FAP: variants seen among roughly 807,000 people sequenced by gnomAD.
FAP encodes prolyl endopeptidase FAP.
Under a neutral mutation model 126.5 loss-of-function variants are expected in FAP, and 110 were observed. The observed-to-expected ratio is 0.87, with a 90% CI of 0.74 to 1.02. The LOEUF (loss-of-function observed/expected upper bound fraction) is 1.02. Among genes scored for constraint, FAP ranks in the 50% least tolerant of loss-of-function variants. The probability of loss-of-function intolerance (pLI) is 0.00; values close to 1 mark genes in which losing one functional copy is unlikely to be tolerated. For missense variants in FAP, 919 were observed against 909.2 expected, an observed-to-expected ratio of 1.01 and a Z score of -0.14; for synonymous variants, 334 against 297.3, an observed-to-expected ratio of 1.12 and a Z score of -1.27.
chr2:162,228,491 T>G (rs981110197), intron 2 of FAP, among the ~76,000 whole-genome samples: 2 of 152,220 alleles, frequency 1.3e-5, no homozygotes, highest in African/African-American at 4.8e-5. Context: ...TCCACACTTT[T>G]GATTAGGACC....
intron 2 of FAP, 92 bp from the exon 3 acceptor site, chr2:162,226,713 T>C: frequency 2.9e-6 from 2 of 682,018 alleles, no homozygotes; most frequent in Non-Finnish European, 5.1e-6. Context: ...CTTTCTTATA[T>C]AGTAATAAGA....
At position 162,194,685 on chromosome 2, in the gene FAP, A is replaced by C. The variant is rs751732576; in HGVS notation, c.1450+16T>G. On this transcript the variant is annotated intron_variant, in intron 17 of 25. Transcript: ENST00000188790. ...GATTACTTGAGACAAGATAGATAAC[A>C]TGCAAGAGAGAGTACCTTGATCAGT... is the stretch of plus-strand genomic sequence containing the variant. The C allele has an allele frequency of 4.3e-6, 7 of 1,611,840 alleles. No individual in the cohort carries two copies. Among genetic ancestry groups the C allele is most frequent in the Non-Finnish European group, 5.9e-6 (7 of 1,178,192 alleles).
At chr2:162,224,581 A>G (rs777011240) in intron 4 of FAP, 41 bp from the exon 5 acceptor site, 7 of 1,203,088 alleles carry the variant, frequency 5.8e-6, no homozygotes, top group Non-Finnish European at 8.4e-6. Flanking sequence ...AGAAAAGATA[A>G]CAAAGAACCA....
intron 11 of FAP, among the ~76,000 whole-genome samples, chr2:162,212,880 C>A (rs988916656): frequency 6.6e-6 from 1 of 152,092 alleles, no homozygotes; most frequent in Admixed American, 6.5e-5. Flanking sequence ...AGTGGTTTTT[C>A]TGACTCATTA....
intron 2 of FAP, among the ~76,000 whole-genome samples, chr2:162,227,507 C>T (rs904209746): frequency 6.6e-6 from 1 of 152,174 alleles, no homozygotes; most frequent in Non-Finnish European, 1.5e-5. Context: ...TTCTCCATCT[C>T]TCCCACCTTA....
intron 2 of FAP, among the ~76,000 whole-genome samples, chr2:162,239,056 T>A (rs569903108): frequency 6.6e-5 from 10 of 152,320 alleles, no homozygotes; most frequent in African/African-American, 2.4e-4. Context: ...ATATACATAT[T>A]CTCTTTGTTG....
chr2:162,176,606 G>C (rs931986416), intron 21 of FAP: 1 of 152,094 alleles, frequency 6.6e-6, no homozygotes, highest in African/African-American at 2.4e-5. Flanking sequence ...AAATGGGAAG[G>C]CTTTCCTTCC....
At chr2:162,225,098 G>T (rs1486888517) in intron 4 of FAP, among the ~76,000 whole-genome samples, 1 of 152,112 alleles carries the variant, frequency 6.6e-6, no homozygotes, top group Non-Finnish European at 1.5e-5. Flanking sequence ...TTAACCAAAA[G>T]AGGCATTATT....
Position 162,203,044 on chromosome 2 carries a change from A to T in FAP, c.1149T>A (p.Thr383=), listed in dbSNP as rs1688556660. 1 of 1,610,358 alleles carries T rather than the reference A, an allele frequency of 6.2e-7. No homozygotes were observed. Among genetic ancestry groups the T allele is most frequent in the Non-Finnish European group, 8.5e-7 (1 of 1,176,770 alleles). Residue 383 remains threonine, a synonymous_variant, in exon 13 of 26, where the codon ACT becomes ACA. Transcript: ENST00000188790. ...GYKHIHYIKD[T]VENAIQITSG... ...ATAAATCTTGGAAGGAACGTACCAC[A>T]GTGTCTTTGATATAGTGAATATGTT...
chr2:162,175,100 T>C (rs1429805467), intron 21 of FAP, 134 bp from the exon 22 acceptor site: 1 of 592,030 alleles, frequency 1.7e-6, no homozygotes, highest in Non-Finnish European at 3.0e-6. Context: ...TACATGTCTA[T>C]CTTGCATCCT....
At chr2:162,183,289 T>C in intron 21 of FAP, 125 bp downstream of exon 21, 1 of 795,764 alleles carries the variant, frequency 1.3e-6, no homozygotes, top group Non-Finnish European at 2.1e-6. Flanking sequence ...AAACTGACTG[T>C]TTCCATTGAC....
chr2:162,209,004 T>C lies in FAP; in HGVS notation c.1047+948A>G, dbSNP rs115785381. 7.1e-3 allele frequency among the ~76,000 whole-genome samples: 1,077 copies of C among 152,204 alleles called. 12 individuals are homozygous for C. Among genetic ancestry groups the C allele is most frequent in the African/African-American group, 0.025 (1,029 of 41,574 alleles). On this transcript the variant is annotated intron_variant, in intron 12 of 25. Transcript: ENST00000188790. The stretch of plus-strand genomic sequence containing the variant: ...AGCATGTAAGCCAAAATCAACTGGA[T>C]CCAGAAAAGTGTACAATGAAGAGTT...
At chr2:162,234,796 G>A (rs1690038769) in intron 2 of FAP, among the ~76,000 whole-genome samples, 1 of 152,130 alleles carries the variant, frequency 6.6e-6, no homozygotes, top group South Asian at 2.1e-4. Context: ...TGCACCGTAG[G>A]AGCCTTTCTC....
intron 2 of FAP, among the ~76,000 whole-genome samples, chr2:162,241,993 G>GTTATT (rs757288795): frequency 1.4e-4 from 21 of 152,242 alleles, no homozygotes; most frequent in South Asian, 8.3e-4. Flanking sequence ...TTTAGCTGAA[G>GTTATT]TTATTTTATT....
intron 12 of FAP, among the ~76,000 whole-genome samples, chr2:162,208,329 T>C (rs1688790629): frequency 6.6e-6 from 1 of 152,038 alleles, no homozygotes; most frequent in African/African-American, 2.4e-5. Context: ...GGAATGCAAG[T>C]TTAGTGCAAT....
At chr2:162,218,959 C>T in intron 8 of FAP, 104 bp downstream of exon 8, 1 of 914,592 alleles carries the variant, frequency 1.1e-6, no homozygotes, top group Non-Finnish European at 1.5e-6. Flanking sequence ...CAATGCTACC[C>T]TTCATGGAAA....
intron 2 of FAP, among the ~76,000 whole-genome samples, chr2:162,239,727 C>T (rs377664222): frequency 2.0e-5 from 3 of 152,154 alleles, no homozygotes; most frequent in African/African-American, 7.2e-5. Flanking sequence ...AAAAAAATAA[C>T]TAACATTTGT....
intron 2 of FAP, among the ~76,000 whole-genome samples, chr2:162,241,926 C>T (rs932750269): frequency 2.0e-5 from 3 of 152,064 alleles, no homozygotes; most frequent in African/African-American, 7.2e-5. Flanking sequence ...TTTTCGAAAA[C>T]ATTTTTCTAT....
At chr2:162,194,932 A>T (rs1430913690) in intron 16 of FAP, 184 bp from the exon 17 acceptor site, 5 of 596,450 alleles carry the variant, frequency 8.4e-6, no homozygotes, top group Non-Finnish European at 1.5e-5. Context: ...AATACATGAG[A>T]TCAAAGCCCA....
Sources: allele counts gnomAD v4.1 joint callset (sites outside exome capture counted in the v4.1 genomes callset), GRCh38; gene constraint gnomAD v4.1.1; transcripts MANE v1.5; gene names NCBI Gene and HGNC (gene_info 2026-07-23, HGNC 2026-07-21).